DLG2: variants seen among roughly 807,000 people sequenced by gnomAD.
DLG2 encodes the protein disks large homolog 2.
DLG2 carries 45 observed loss-of-function variants against 132.5 expected under a neutral mutation model. The ratio of observed to expected loss-of-function variants is 0.34; its 90% CI spans 0.27 to 0.44. DLG2 has a LOEUF of 0.44. Ranked by LOEUF, DLG2 falls within the 20% of genes least tolerant of loss-of-function variation. The pLI is 1.00. For synonymous variants in DLG2, 424 were observed against 419.6 expected (o/e 1.01, Z -0.13); for missense variants, 1,045 against 1,196.9 (o/e 0.87, Z 1.87).
chr11:83,880,623 G>T (rs1194241200), intron 15 of DLG2, among the ~76,000 whole-genome samples: 1 of 152,194 alleles, frequency 6.6e-6, no homozygotes, highest in Non-Finnish European at 1.5e-5. Context: ...TGGGGGAGGT[G>T]AGGAAGAATG....
chr11:83,830,787 A>T (rs927509258), intron 17 of DLG2, among the ~76,000 whole-genome samples: 1 of 152,176 alleles, frequency 6.6e-6, no homozygotes. Flanking sequence ...TTTTCTTCTG[A>T]TCTGGAAAAT....
chr11:83,656,214 A>G (rs918519067), intron 18 of DLG2, among the ~76,000 whole-genome samples: 2 of 152,182 alleles, frequency 1.3e-5, no homozygotes, highest in Non-Finnish European at 2.9e-5. Context: ...TTCCAACAAA[A>G]TCTCATTCCA....
intron 6 of DLG2, among the ~76,000 whole-genome samples, chr11:85,040,003 G>A (rs1161704405): frequency 6.6e-6 from 1 of 151,850 alleles, no homozygotes; most frequent in Admixed American, 6.6e-5. Context: ...GCCTAACAAA[G>A]GGGAGAAGCA....
chr11:83,915,341 T>C (rs894868910), intron 15 of DLG2, among the ~76,000 whole-genome samples: 2 of 152,264 alleles, frequency 1.3e-5, no homozygotes, highest in Middle Eastern at 3.4e-3. Context: ...ATTAGTTTTA[T>C]GTAATGGAAT....
intron 4 of DLG2, among the ~76,000 whole-genome samples, chr11:85,208,084 T>A (rs191184464): frequency 1.3e-5 from 2 of 152,114 alleles, no homozygotes; most frequent in Non-Finnish European, 2.9e-5. Flanking sequence ...AGATATTTTA[T>A]AGAACTTACC....
chr11:85,121,913 T>TAC (rs1259072783), intron 5 of DLG2, among the ~76,000 whole-genome samples: 1 of 152,186 alleles, frequency 6.6e-6, no homozygotes, highest in African/African-American at 2.4e-5. Context: ...AGTCTATATA[T>TAC]ACACACACAG....
At chr11:84,500,459 C>T (rs1308491759) in intron 7 of DLG2, among the ~76,000 whole-genome samples, 1 of 151,772 alleles carries the variant, frequency 6.6e-6, no homozygotes, top group Non-Finnish European at 1.5e-5. Context: ...CATTATAAAA[C>T]TAGGTTCAAC....
Position 85,145,265 on chromosome 11 carries a change from C to T in DLG2, c.282+9291G>A, listed in dbSNP as rs1429376426. Among the ~76,000 whole-genome samples the T allele has an allele frequency of 2.0e-5, 3 of 151,900 alleles. No individual in the cohort carries two copies. In the East Asian group the frequency reaches 5.8e-4, roughly 29 times the overall value. On this transcript the variant is annotated intron_variant, in intron 5 of 27. Transcript: ENST00000376104. ...CTTCATTTAGGATCCTTTCTTTATC[C>T]TTAGCCTTTGGGAATTTGATTATTA...
chr11:85,290,033 A>C (rs1044925959), intron 3 of DLG2, among the ~76,000 whole-genome samples: 1 of 152,150 alleles, frequency 6.6e-6, no homozygotes. Flanking sequence ...TATATTCTCT[A>C]GTATCTAGCA....
At chr11:85,538,518 A>G (rs1383627115) in intron 3 of DLG2, among the ~76,000 whole-genome samples, 1 of 151,918 alleles carries the variant, frequency 6.6e-6, no homozygotes, top group Non-Finnish European at 1.5e-5. Context: ...ATAAATAATT[A>G]TATTATAAAG....
intron 6 of DLG2, among the ~76,000 whole-genome samples, chr11:85,012,777 C>T (rs1260899879): frequency 6.6e-6 from 1 of 151,960 alleles, no homozygotes; most frequent in South Asian, 2.1e-4. Flanking sequence ...TATTTTTTCC[C>T]GACCATTTTT....
chr11:85,110,543 G>C (rs1249273522), intron 6 of DLG2, among the ~76,000 whole-genome samples: 1 of 152,028 alleles, frequency 6.6e-6, no homozygotes, highest in East Asian at 1.9e-4. Context: ...TGAGTCTCCA[G>C]CACATCTGGG....
At chr11:84,909,281 T>C (rs1012457930) in intron 6 of DLG2, among the ~76,000 whole-genome samples, 4 of 152,208 alleles carry the variant, frequency 2.6e-5, no homozygotes, top group South Asian at 2.1e-4. Context: ...CCTTGATCTT[T>C]AAACAGAGGG....
intron 24 of DLG2, among the ~76,000 whole-genome samples, chr11:83,470,264 A>G (rs540162965): frequency 2.0e-4 from 30 of 152,256 alleles, no homozygotes; most frequent in African/African-American, 7.2e-4. Flanking sequence ...CATTTGAAAT[A>G]GTTATATAAA....
intron 19 of DLG2, among the ~76,000 whole-genome samples, chr11:83,569,976 C>G (rs982393772): frequency 1.3e-5 from 2 of 152,176 alleles, no homozygotes; most frequent in Admixed American, 6.5e-5. Context: ...ATCACACTCC[C>G]CCATGAAAAG....
intron 19 of DLG2, 63 bp downstream of exon 19, chr11:83,633,148 G>C: frequency 6.9e-7 from 1 of 1,448,298 alleles, no homozygotes; most frequent in Non-Finnish European, 9.7e-7. Context: ...ACATGGTGTT[G>C]CCTTTGTTTT....
At chr11:84,066,526 G>A (rs1333919378) in intron 10 of DLG2, among the ~76,000 whole-genome samples, 1 of 152,174 alleles carries the variant, frequency 6.6e-6, no homozygotes, top group African/African-American at 2.4e-5. Context: ...TCGGGAGGCT[G>A]AGACGGGTGG....
At chr11:85,488,269 G>A (rs1168576649) in intron 3 of DLG2, among the ~76,000 whole-genome samples, 4 of 151,844 alleles carry the variant, frequency 2.6e-5, no homozygotes, top group Admixed American at 2.0e-4. Flanking sequence ...GGCACCTATA[G>A]TCCCAGCTAT....
At chr11:84,316,899 T>G (rs2098363539) in intron 7 of DLG2, 1 of 1,612,758 alleles carries the variant, frequency 6.2e-7, no homozygotes, top group African/African-American at 1.3e-5. Context: ...GTGCTCGTCT[T>G]GTGGGGGCTT....
Sources: gnomAD v4.1 joint callset for allele counts (sites outside exome capture counted in the v4.1 genomes callset) on GRCh38, gnomAD v4.1.1 for gene constraint, MANE v1.5 for transcripts, NCBI Gene and HGNC (gene_info 2026-07-23, HGNC 2026-07-21) for gene names.